HOXA10: variants seen among roughly 807,000 people sequenced by gnomAD.
HOXA10 encodes homeobox A10.
Under a neutral mutation model 29.7 loss-of-function variants are expected in HOXA10, and 12 were observed. The ratio of observed to expected loss-of-function variants is 0.40; its 90% CI spans 0.26 to 0.65. The LOEUF is 0.65. HOXA10 is among the 30% of genes least tolerant of loss of function. The pLI is 0.37. For synonymous variants in HOXA10, 327 were observed against 280.7 expected, an observed-to-expected ratio of 1.16 and a Z score of -1.65; for missense variants, 656 against 585.9, an observed-to-expected ratio of 1.12 and a Z score of -1.24.
rs750543787 is a variant in HOXA10, at chr7:27,173,458, G to A, written c.849C>T (p.Gly283=). Residue 283 remains glycine (G), a synonymous_variant, in exon 1 of 2, where the codon GGC becomes GGT. Coordinates refer to ENST00000283921, the MANE Select transcript of HOXA10 (RefSeq NM_018951.4). ...PPPPTLACGS[G]GGSQGDEEAH... The stretch of plus-strand genomic sequence containing the variant: ...CCTCCTCGTCGCCCTGCGAGCCCCC[G>A]CCGCTGCCGCAAGCCAGCGTGGGGG... 1 of 1,574,554 alleles carries A rather than the reference G, an allele frequency of 6.4e-7. No homozygotes were observed. Among genetic ancestry groups the A allele is most frequent in the Non-Finnish European group, 8.6e-7 (1 of 1,164,948 alleles).
chr7:27,174,055 C>T lies in HOXA10; in HGVS notation c.252G>A (p.Leu84=), dbSNP rs1355120731. Residue 84 remains leucine, a synonymous_variant, in exon 1 of 2, where the codon CTG becomes CTA. Coordinates refer to ENST00000283921, the MANE Select transcript of HOXA10 (RefSeq NM_018951.4). ...GLQSCGLFPT[L]GGKRNEAASP... is the part of the protein sequence containing the mutation. Reference sequence around the variant, plus strand: ...ACGCTGCCTCATTGCGCTTGCCGCCCAGCGTGGGGAAGAGCCCGCAGCTCT... The same window carrying T: ...ACGCTGCCTCATTGCGCTTGCCGCCTAGCGTGGGGAAGAGCCCGCAGCTCT... 8.4e-6 allele frequency: 13 copies of T among 1,545,700 alleles called. No individual in the cohort carries two copies. The highest frequency in any genetic ancestry group is 1.1e-5 in the Non-Finnish European group (13 of 1,152,442).
At chr7:27,179,680 G>A (rs764634039) in exon 1 of HOXA10, 2 of 778,084 alleles carry the variant, frequency 2.6e-6, no homozygotes, top group Non-Finnish European at 2.4e-6. Context: ...CCAAGGGACA[G>A]CTGGCTTCTC....
upstream of HOXA10, among the ~76,000 whole-genome samples, chr7:27,176,005 G>T (rs986687982): frequency 1.2e-4 from 19 of 152,222 alleles, no homozygotes; most frequent in African/African-American, 4.3e-4. Context: ...GCGGGCAGTG[G>T]CTGCTCCGAG....
chr7:27,179,735 A>C (rs1406148966), exon 1 of HOXA10: 1 of 744,374 alleles, frequency 1.3e-6, no homozygotes, highest in East Asian at 2.6e-5. Context: ...CGTTGCTTTA[A>C]ATTACCATAC....
In HOXA10 at chr7:27,171,215, G is replaced by A. The variant is rs1368663707; in HGVS notation, c.*684C>T. On this transcript the variant is annotated 3_prime_UTR_variant, in exon 2 of 2. Transcript: ENST00000283921. ...ACTGGAAGAGAAGTCCCCTTCTCTT[G>A]GTAATTCTTTTTTTTTCTTTTTAAA... The A allele has an allele frequency of 2.2e-6, 1 of 454,000 alleles. No individual in the cohort carries two copies. Among genetic ancestry groups the A allele is most frequent in the Non-Finnish European group, 4.4e-6 (1 of 226,772 alleles). The allele number at this position is 454,000 out of a possible 1,614,324, so 28.1% of individuals were successfully genotyped here.
chr7:27,171,281 T>C lies in HOXA10; in HGVS notation c.*618A>G, dbSNP rs769321783. 2.2e-6 allele frequency: 1 copy of C among 454,186 alleles called. No individual in the cohort carries two copies. The highest frequency in any genetic ancestry group is 4.4e-6 in the Non-Finnish European group (1 of 226,804). The allele number at this position is 454,186 out of a possible 1,614,324, so 28.1% of individuals were successfully genotyped here. On this transcript the variant is annotated 3_prime_UTR_variant, in exon 2 of 2. Coordinates refer to ENST00000283921, the MANE Select transcript of HOXA10 (RefSeq NM_018951.4). Reference sequence around the variant, plus strand: ...AGAGGAAGGAAAAATTAACCTTTTTTACTTTCTTTCTCACTTTTTAAATCA... The same window carrying C: ...AGAGGAAGGAAAAATTAACCTTTTTCACTTTCTTTCTCACTTTTTAAATCA...
intron 1 of HOXA10, chr7:27,172,754 G>A (rs1783532560): frequency 6.0e-6 from 1 of 167,364 alleles, no homozygotes; most frequent in South Asian, 1.4e-4. Flanking sequence ...CGAGGTCCAG[G>A]GGAAGGGAAA....
rs771715381 is a variant in HOXA10 at position 27,174,059 on chromosome 7, G to T, written c.248C>A (p.Thr83Lys). Residue 83 changes from threonine (T) to lysine (K), a missense_variant, in exon 1 of 2, where the codon ACG (threonine) becomes AAG (lysine). This residue lies in a region of HOXA10 where 594 missense variants were observed against 491.9 expected (regional missense o/e 1.21). Coordinates refer to ENST00000283921, the MANE Select transcript of HOXA10 (RefSeq NM_018951.4). ...YGLQSCGLFP[T>K]LGGKRNEAAS... ...TGCCTCATTGCGCTTGCCGCCCAGC[G>T]TGGGGAAGAGCCCGCAGCTCTGCAG... 1.3e-6 allele frequency: 2 copies of T among 1,548,984 alleles called. No homozygotes were observed. The highest frequency in any genetic ancestry group is 2.7e-5 in the African/African-American group (2 of 73,676).
rs950555260 is a variant in HOXA10 at position 27,174,119 on chromosome 7, A to G, written c.188T>C (p.Val63Ala). 6 of 1,585,144 alleles carry G rather than the reference A, an allele frequency of 3.8e-6. No homozygotes were observed. The African/African-American group carries it at 4.0e-5, about 11-fold the overall frequency. Residue 63 changes from valine to alanine, a missense_variant, in exon 1 of 2, where the codon GTC (valine) becomes GCC (alanine). Val to Ala is a moderately conservative substitution (Grantham distance 64). Transcript: ENST00000283921. ...CAGGTCGGCGGCGGGCGGCAGGTAG[A>G]CCCCGCCGTGGGCGTAGTAACCGCC... ...GGGGYYAHGGVYLPPAADLPY... is the reference protein window; with the variant it reads ...GGGGYYAHGGAYLPPAADLPY...
chr7:27,179,546 C>T (rs1583437924), intron 1 of HOXA10: 1 of 726,048 alleles, frequency 1.4e-6, no homozygotes, highest in Non-Finnish European at 2.6e-6. Context: ...CCGCGTCACC[C>T]CACAAACCCA....
chr7:27,179,773 T>C (rs549183013), exon 1 of HOXA10: 54 of 713,290 alleles, frequency 7.6e-5, no homozygotes, highest in Non-Finnish European at 1.3e-4. Context: ...TGAGTCCCCT[T>C]TTTCTGTTAT....
intron 1 of HOXA10, 65 bp from the exon 2 acceptor site, chr7:27,172,238 G>A: frequency 6.7e-7 from 1 of 1,500,330 alleles, no homozygotes; most frequent in Non-Finnish European, 9.3e-7. Context: ...CCGCGGGGGT[G>A]AATTGCCTCC....
chr7:27,177,103 C>T (rs1333043821), upstream of HOXA10, among the ~76,000 whole-genome samples: 1 of 152,208 alleles, frequency 6.6e-6, no homozygotes, highest in Non-Finnish European at 1.5e-5. Context: ...GGGACCTGCA[C>T]GTGCCAACCA....
chr7:27,173,757 T>C lies in HOXA10; in HGVS notation c.550A>G (p.Thr184Ala). ...SADKCPKVSA[T>A]AAELAPFPRG... ...GGGAAGGGAGCCAGTTCGGCGGCGGTGGCCGAGACTTTGGGGCATTTGTCC... is the reference window on the plus strand; with the variant it reads ...GGGAAGGGAGCCAGTTCGGCGGCGGCGGCCGAGACTTTGGGGCATTTGTCC... The change falls in exon 1 of 2, where the codon ACC (threonine) becomes GCC (alanine). Residue 184 changes from threonine (T) to alanine (A), a missense_variant. Physicochemically the swap from Thr to Ala is moderately conservative, Grantham distance 58. Around this residue, in one of 2 missense-constraint regions of HOXA10, gnomAD observed 594 missense variants for 491.9 expected, o/e 1.21. Transcript: ENST00000283921. 1 of 1,603,924 alleles carries C rather than the reference T, an allele frequency of 6.2e-7. No homozygotes were observed.
intron 1 of HOXA10, chr7:27,172,379 C>G (rs1562509987): frequency 3.3e-6 from 2 of 607,420 alleles, no homozygotes; most frequent in Non-Finnish European, 5.8e-6. Flanking sequence ...CTACATGACC[C>G]TTCCAATTTA....
rs1400769171 is a variant in HOXA10, at chr7:27,173,410, C to T, written c.897G>A (p.Ala299=). Residue 299 remains alanine, a synonymous_variant, in exon 1 of 2, where the codon GCG becomes GCA. Coordinates refer to ENST00000283921, the MANE Select transcript of HOXA10 (RefSeq NM_018951.4). The part of the protein sequence containing the change: ...DEEAHASSSA[A]EELSPAPSES... ...CGGAAGGGGCCGGGGAGAGCTCCTC[C>T]GCGGCCGAGGACGACGCGTGCGCCT... 1 of 1,609,954 alleles carries T rather than the reference C, an allele frequency of 6.2e-7. No homozygotes were observed. Among genetic ancestry groups the T allele is most frequent in the African/African-American group, 1.3e-5 (1 of 74,758 alleles).
At position 27,174,126 on chromosome 7, in the gene HOXA10, C is replaced by A. The variant is rs748283182; in HGVS notation, c.181G>T (p.Gly61Cys). The change falls in exon 1 of 2, where the codon GGC becomes TGC. Residue 61 changes from glycine to cysteine, a missense_variant. Around this residue, in one of 2 missense-constraint regions of HOXA10, gnomAD observed 594 missense variants for 491.9 expected, o/e 1.21. Transcript: ENST00000283921. ...GGGGGGYYAH[G>C]GVYLPPAADL... is the part of the protein sequence containing the mutation. ...GCGGCGGGCGGCAGGTAGACCCCGC[C>A]GTGGGCGTAGTAACCGCCACCGCCG... is the stretch of plus-strand genomic sequence containing the variant. 1.9e-6 allele frequency: 3 copies of A among 1,590,810 alleles called. No homozygotes were observed. Among genetic ancestry groups the A allele is most frequent in the Admixed American group, 3.4e-5 (2 of 59,224 alleles).
chr7:27,173,747 T>A lies in HOXA10; in HGVS notation c.560A>T (p.Glu187Val). The change falls in exon 1 of 2, where the codon GAA becomes GTA. Residue 187 changes from glutamate to valine, a missense_variant. Around this residue, in one of 2 missense-constraint regions of HOXA10, gnomAD observed 594 missense variants for 491.9 expected, o/e 1.21. Transcript: ENST00000283921. ...CGGGCCCCGCGGGAAGGGAGCCAGT[T>A]CGGCGGCGGTGGCCGAGACTTTGGG... ...KCPKVSATAAELAPFPRGPPP... is the reference protein window; with the variant it reads ...KCPKVSATAAVLAPFPRGPPP... The A allele has an allele frequency of 1.9e-6, 3 of 1,601,040 alleles. No individual in the cohort carries two copies. The highest frequency in any genetic ancestry group is 1.3e-5 in the African/African-American group (1 of 74,688).
Position 27,173,882 on chromosome 7 carries a change from G to T in HOXA10, c.425C>A (p.Pro142Gln), listed in dbSNP as rs1301054329. The change falls in exon 1 of 2, where the codon CCG (proline) becomes CAG (glutamine). Residue 142 changes from proline to glutamine, a missense_variant. Coordinates refer to ENST00000283921, the MANE Select transcript of HOXA10 (RefSeq NM_018951.4). ...TGGCTGGGGTGGTTGCGGCGGGGGCGGCGGCTGCTGCTGGGGCGGCGGCGG... is the reference window on the plus strand; with the variant it reads ...TGGCTGGGGTGGTTGCGGCGGGGGCTGCGGCTGCTGCTGGGGCGGCGGCGG... ...GPPPPPQQQP[P>Q]PPPQPPQPAP... The T allele has an allele frequency of 6.4e-7, 1 of 1,568,674 alleles. No homozygotes were observed.
Sources: gnomAD v4.1 joint callset for allele counts (sites outside exome capture counted in the v4.1 genomes callset) on GRCh38, gnomAD v4.1.1 for gene constraint, gnomAD v4.1.1 regional missense constraint, MANE v1.5 for transcripts, NCBI Gene and HGNC (gene_info 2026-07-23, HGNC 2026-07-21) for gene names.